RLF: variants seen among roughly 807,000 people sequenced by gnomAD.
RLF encodes the protein RLF zinc finger.
A neutral mutation model predicts 162.9 loss-of-function variants in RLF; 7 were observed. That is an observed-to-expected ratio of 0.04 (90% CI 0.02 to 0.08). The LOEUF (loss-of-function observed/expected upper bound fraction) is 0.08. RLF is among the 10% of genes least tolerant of loss of function. The pLI, the probability that RLF is intolerant of heterozygous loss-of-function variation, is 1.00. For synonymous variants in RLF, 782 were observed against 791.5 expected (o/e 0.99, Z 0.20); for missense variants, 1,664 against 2,244.7 (o/e 0.74, Z 5.23).
intron 1 of RLF, among the ~76,000 whole-genome samples, chr1:40,171,843 G>GT (rs1304683829): frequency 6.6e-6 from 1 of 152,104 alleles, no homozygotes; most frequent in African/African-American, 2.4e-5. Flanking sequence ...AGAATAAGAA[G>GT]TAAAAGCTCC....
At position 40,185,288 on chromosome 1, in the gene RLF, G is replaced by A. The variant is rs1442661652; in HGVS notation, c.238-3767G>A. On this transcript the variant is annotated intron_variant, in intron 1 of 7. Transcript: ENST00000372771. ...TGGGACTAGAGGCATGCGCCACCACGCCCGGCTACTTTCTGTATTTTTAGT... is the reference window on the plus strand; with the variant it reads ...TGGGACTAGAGGCATGCGCCACCACACCCGGCTACTTTCTGTATTTTTAGT... 4.0e-5 allele frequency among the ~76,000 whole-genome samples: 6 copies of A among 151,170 alleles called. No individual in the cohort carries two copies. In the East Asian group the frequency reaches 6.0e-4, roughly 15 times the overall value.
At chr1:40,194,333 G>A (rs905753095) in intron 3 of RLF, among the ~76,000 whole-genome samples, 11 of 152,046 alleles carry the variant, frequency 7.2e-5, no homozygotes, top group African/African-American at 1.9e-4. Flanking sequence ...AAAAGAAAGC[G>A]GCACCAATGG....
rs955131484 is a variant in RLF, at chr1:40,170,262, GT to G, written c.237+8635del. Among the ~76,000 whole-genome samples the G allele has an allele frequency of 2.5e-4, 38 of 150,056 alleles. 1 individual carries two copies. The highest frequency in any genetic ancestry group is 8.8e-4 in the African/African-American group (36 of 40,844). ...ATTCTGAGCTTTTTTTTGTTTTTTGGTTTTTTTTTGAGACAGGGTCTTGCTG... is the reference window on the plus strand; with the variant it reads ...ATTCTGAGCTTTTTTTTGTTTTTTGGTTTTTTTTGAGACAGGGTCTTGCTG... On this transcript the variant is annotated intron_variant, in intron 1 of 7. Transcript: ENST00000372771.
intron 1 of RLF, among the ~76,000 whole-genome samples, chr1:40,169,761 C>T (rs12131070): frequency 0.06 from 8,800 of 146,360 alleles, 374 homozygotes; most frequent in East Asian, 0.22. Context: ...GACGTGATCT[C>T]GGCTCACTGC....
Position 40,235,698 on chromosome 1 carries a change from A to G in RLF, c.1090-94A>G, listed in dbSNP as rs111407023. 7.8e-6 allele frequency: 7 copies of G among 902,528 alleles called. No individual in the cohort carries two copies. The African/African-American group carries it at 1.2e-4, about 16-fold the overall frequency. 55.9% of individuals were successfully genotyped at this position (902,528 alleles called of 1,614,324 possible). A position where few individuals can be genotyped will look rare whatever the true frequency, so the allele number is the denominator to read the frequency against. ...ATTTAAGATAAAATTTAGGAACTCT[A>G]AAAGTTTTTACAAGCTAAAATTCCT... On this transcript the variant is annotated intron_variant, in intron 7 of 7. Transcript: ENST00000372771.
At chr1:40,187,007 G>A (rs1642490377) in intron 1 of RLF, among the ~76,000 whole-genome samples, 1 of 151,786 alleles carries the variant, frequency 6.6e-6, no homozygotes, top group Non-Finnish European at 1.5e-5. Flanking sequence ...TTGTAACATA[G>A]ATTTTAATAA....
chr1:40,209,215 A>G (rs1196906089), intron 5 of RLF, among the ~76,000 whole-genome samples: 2 of 152,226 alleles, frequency 1.3e-5, no homozygotes, highest in Non-Finnish European at 2.9e-5. Flanking sequence ...CAAGACATCT[A>G]GAGAAGTGAA....
intron 4 of RLF, 131 bp from the exon 5 acceptor site, chr1:40,202,281 A>G (rs1385298512): frequency 1.6e-6 from 1 of 615,804 alleles, no homozygotes. Context: ...GACCAGAGTA[A>G]ACTTCTCATT....
Position 40,239,000 on chromosome 1 carries a change from ATAT to A in RLF, c.4300_4302del (p.Ile1434del). ...AAGCACCACTTGATGGAACAGCATA[ATAT>A]TGAAGGGGAAATACATTCAGATTAT... On this transcript the variant is annotated inframe_deletion, in exon 8 of 8. Transcript: ENST00000372771. This position sits in a 1 kb window ranked among gnomAD's most constrained non-coding sequence, Gnocchi z 5.2. 6.2e-7 allele frequency: 1 copy of A among 1,614,224 alleles called. No homozygotes were observed. Among genetic ancestry groups the A allele is most frequent in the Non-Finnish European group, 8.5e-7 (1 of 1,180,026 alleles).
chr1:40,192,574 G>A (rs1269131177), intron 3 of RLF, among the ~76,000 whole-genome samples: 3 of 152,052 alleles, frequency 2.0e-5, no homozygotes, highest in Non-Finnish European at 4.4e-5. Context: ...TTCTTAGCTT[G>A]CTTGAATAAA....
In RLF at chr1:40,184,038, C is replaced by CA. The variant is rs1472111976; in HGVS notation, c.238-5015dup. Among the ~76,000 whole-genome samples, 9 of 152,188 alleles carry CA rather than the reference C, an allele frequency of 5.9e-5. 1 individual carries two copies. The East Asian group carries it at 1.7e-3, about 29-fold the overall frequency. On this transcript the variant is annotated intron_variant, in intron 1 of 7. Coordinates refer to ENST00000372771, the MANE Select transcript of RLF (RefSeq NM_012421.4). Reference sequence around the variant, plus strand: ...TTTCAAGGAATAGTCAGAATGCTGCCAAGCTCCTTGAAACCATGTAGTGAG... The same window carrying CA: ...TTTCAAGGAATAGTCAGAATGCTGCCAAAGCTCCTTGAAACCATGTAGTGAG...
At position 40,238,906 on chromosome 1, in the gene RLF, G is replaced by C; in HGVS notation, c.4204G>C (p.Gly1402Arg). 1 of 1,614,204 alleles carries C rather than the reference G, an allele frequency of 6.2e-7. No individual in the cohort carries two copies. Among genetic ancestry groups the C allele is most frequent in the Non-Finnish European group, 8.5e-7 (1 of 1,180,024 alleles). Reference sequence around the variant, plus strand: ...AGAGCCTAAAGTACTTTCCGAAGCTGGATCTGCAGCAAGGTTTTCTTGTAA... The same window carrying C: ...AGAGCCTAAAGTACTTTCCGAAGCTCGATCTGCAGCAAGGTTTTCTTGTAA... The part of the protein sequence containing the change: ...IEEPKVLSEA[G>R]SAARFSCNQP... Residue 1402 changes from glycine to arginine, a missense_variant, in exon 8 of 8, where the codon GGA becomes CGA. Physicochemically the swap from Gly to Arg is moderately radical, Grantham distance 125. Transcript: ENST00000372771. This position sits in a 1 kb window ranked among gnomAD's most constrained non-coding sequence, Gnocchi z 5.2.
At chr1:40,192,535 A>C (rs1374088437) in intron 3 of RLF, among the ~76,000 whole-genome samples, 1 of 152,192 alleles carries the variant, frequency 6.6e-6, no homozygotes, top group Non-Finnish European at 1.5e-5. Flanking sequence ...TCCTTTTTAG[A>C]GGGAAATCTC....
chr1:40,226,977 C>T (rs1480479496), intron 6 of RLF, among the ~76,000 whole-genome samples: 2 of 152,168 alleles, frequency 1.3e-5, no homozygotes, highest in African/African-American at 4.8e-5. Context: ...TGATTCTCTG[C>T]CTCATCCTCC....
In RLF at chr1:40,231,719, A is replaced by G. The variant is rs932053564; in HGVS notation, c.1089+61A>G. On this transcript the variant is annotated intron_variant, in intron 7 of 7. Transcript: ENST00000372771. ...GGAGGAAAGAAATGAGTGGGAAGAT[A>G]ACTTCTCAGGAAATTCCCTTTAAAG... is the stretch of plus-strand genomic sequence containing the variant. The G allele has an allele frequency of 4.8e-6, 7 of 1,451,646 alleles. No individual in the cohort carries two copies. In the Admixed American group the frequency reaches 1.3e-4, roughly 28 times the overall value. 89.9% of individuals were successfully genotyped at this position (1,451,646 alleles called of 1,614,324 possible).
In RLF at chr1:40,187,135, G is replaced by A. The variant is rs551535177; in HGVS notation, c.238-1920G>A. On this transcript the variant is annotated intron_variant, in intron 1 of 7. Coordinates refer to ENST00000372771, the MANE Select transcript of RLF (RefSeq NM_012421.4). ...CAACCTCCGCCTCCCAGGTTCAAGC[G>A]ATTTTCCTGCCTCAGCCTCCTGAGC... Among the ~76,000 whole-genome samples the A allele has an allele frequency of 1.3e-4, 19 of 151,930 alleles. No homozygotes were observed. The South Asian group carries it at 2.7e-3, about 22-fold the overall frequency.
intron 1 of RLF, chr1:40,178,009 A>G (rs2124528866): frequency 6.5e-6 from 1 of 152,856 alleles, no homozygotes; most frequent in Non-Finnish European, 1.5e-5. Flanking sequence ...AAATGAACAG[A>G]TAAATCTTTG....
chr1:40,218,033 GTAAA>G (rs1039084887), intron 5 of RLF, among the ~76,000 whole-genome samples: 20 of 152,170 alleles, frequency 1.3e-4, no homozygotes, highest in Admixed American at 1.1e-3. Flanking sequence ...GTTTTCTATC[GTAAA>G]TATTTTTGTA....
intron 6 of RLF, among the ~76,000 whole-genome samples, chr1:40,228,448 G>T (rs1219255075): frequency 6.6e-6 from 1 of 151,220 alleles, no homozygotes; most frequent in South Asian, 2.1e-4. Context: ...GGGCGTGGTG[G>T]TGGGTGCCTG....
Sources: gnomAD v4.1 joint callset for allele counts (sites outside exome capture counted in the v4.1 genomes callset) on GRCh38, gnomAD v4.1.1 for gene constraint, Gnocchi (gnomAD v3.1) non-coding constraint, MANE v1.5 for transcripts, NCBI Gene and HGNC (gene_info 2026-07-23, HGNC 2026-07-21) for gene names.